The following EFL1 variants were observed in gnomAD, a reference collection of about 807,000 sequenced individuals.
The protein encoded by EFL1 is elongation factor like GTPase 1.
A neutral mutation model predicts 126.7 loss-of-function variants in EFL1; 76 were observed. The observed-to-expected ratio is 0.60, with a 90% CI of 0.50 to 0.73. The LOEUF is 0.73. EFL1 is among the 30% of genes least tolerant of loss of function. The pLI is 0.00. For synonymous variants in EFL1, 410 were observed against 448.4 expected (o/e 0.91, Z 1.08); for missense variants, 1,128 against 1,343.2 (o/e 0.84, Z 2.50).
chr15:82,204,353 T>C (rs972880413), intron 15 of EFL1, among the ~76,000 whole-genome samples: 5 of 151,560 alleles, frequency 3.3e-5, no homozygotes, highest in Non-Finnish European at 5.9e-5. Flanking sequence ...GCTATCTTCA[T>C]AGTCTTTAAA....
At chr15:82,238,049 A>G (rs3858953) in intron 7 of EFL1, among the ~76,000 whole-genome samples, 60,931 of 152,000 alleles carry the variant, frequency 0.4, 12,688 homozygotes, top group South Asian at 0.48. Flanking sequence ...GGCAACGTGA[A>G]GGAGCCTTGT....
intron 9 of EFL1, 142 bp from the exon 10 acceptor site, chr15:82,228,469 C>T (rs190132131): frequency 2.9e-5 from 32 of 1,107,706 alleles, no homozygotes; most frequent in Middle Eastern, 2.6e-4. Flanking sequence ...GGAATCCTGC[C>T]GCCACACAAG....
At chr15:82,156,667 T>TTGAG (rs1555425154) in intron 17 of EFL1, among the ~76,000 whole-genome samples, 1 of 151,798 alleles carries the variant, frequency 6.6e-6, no homozygotes, top group African/African-American at 2.4e-5. Flanking sequence ...GGTATAAAGA[T>TTGAG]TGAGATAAAT....
intron 15 of EFL1, among the ~76,000 whole-genome samples, chr15:82,188,367 GT>G (rs1273839357): frequency 1.3e-5 from 2 of 151,580 alleles, no homozygotes; most frequent in Non-Finnish European, 2.9e-5. Flanking sequence ...TTTCCTCTTA[GT>G]TTTTTTGTTA....
intron 6 of EFL1, among the ~76,000 whole-genome samples, chr15:82,239,433 G>A (rs757244468): frequency 2.0e-5 from 3 of 152,152 alleles, no homozygotes; most frequent in South Asian, 2.1e-4. Context: ...AGCTCGCCCG[G>A]CCTACCTCTT....
At position 82,151,471 on chromosome 15, in the gene EFL1, C is replaced by T; in HGVS notation, c.2983G>A (p.Val995Ile). The T allele has an allele frequency of 6.2e-7, 1 of 1,607,576 alleles. No homozygotes were observed. Among genetic ancestry groups the T allele is most frequent in the Non-Finnish European group, 8.5e-7 (1 of 1,177,430 alleles). Reference sequence around the variant, plus strand: ...TTTACCTTTTCTTCCTTACCGAGAACATCACCAGTGGCCATGATGTCACAT... The same window carrying T: ...TTTACCTTTTCTTCCTTACCGAGAATATCACCAGTGGCCATGATGTCACAT... ...YTCDIMATGD[V>I]LGRVYAVLSK... is the part of the protein sequence containing the mutation. Residue 995 changes from valine (V) to isoleucine (I), a missense_variant, in exon 18 of 20, where the codon GTT becomes ATT. Val to Ile is a conservative substitution (Grantham distance 29). Around this residue, in one of 6 missense-constraint regions of EFL1, gnomAD observed 561 missense variants for 641.7 expected, o/e 0.87. Coordinates refer to ENST00000268206, the MANE Select transcript of EFL1 (RefSeq NM_024580.6).
At chr15:82,217,373 G>GAAAAA in intron 14 of EFL1, among the ~76,000 whole-genome samples, 1 of 27,150 alleles carries the variant, frequency 3.7e-5, no homozygotes, top group Non-Finnish European at 6.9e-5. Flanking sequence ...GATTAGATTT[G>GAAAAA]AAAAAAAAAA....
At chr15:82,246,297 G>A (rs200923002) in intron 4 of EFL1, among the ~76,000 whole-genome samples, 1 of 152,026 alleles carries the variant, frequency 6.6e-6, no homozygotes. Flanking sequence ...TGGCAGTTTT[G>A]CTTGGAAGGG....
chr15:82,190,031 C>G (rs2074342122), intron 15 of EFL1, among the ~76,000 whole-genome samples: 1 of 151,414 alleles, frequency 6.6e-6, no homozygotes, highest in South Asian at 2.1e-4. Context: ...GTAGGAGAAC[C>G]ACTTGAACCC....
chr15:82,216,885 C>T (rs944433601), intron 14 of EFL1, among the ~76,000 whole-genome samples: 32 of 151,904 alleles, frequency 2.1e-4, no homozygotes, highest in African/African-American at 7.5e-4. Context: ...AAAGTAAAAA[C>T]AAGTTCTACA....
intron 15 of EFL1, among the ~76,000 whole-genome samples, chr15:82,169,416 T>TA (rs947368852): frequency 6.6e-6 from 1 of 152,070 alleles, no homozygotes; most frequent in Admixed American, 6.5e-5. Flanking sequence ...ACAGAGAAAT[T>TA]AGAGAGAACT....
chr15:82,179,110 A>G (rs1386145135), intron 15 of EFL1, among the ~76,000 whole-genome samples: 1 of 152,178 alleles, frequency 6.6e-6, no homozygotes, highest in African/African-American at 2.4e-5. Context: ...TGCCACCGCA[A>G]TCTAGCCAGG....
At chr15:82,234,080 C>T (rs1338699127) in intron 7 of EFL1, among the ~76,000 whole-genome samples, 1 of 152,182 alleles carries the variant, frequency 6.6e-6, no homozygotes, top group Non-Finnish European at 1.5e-5. Flanking sequence ...GTAAATTACC[C>T]TTATTCTATC....
intron 15 of EFL1, among the ~76,000 whole-genome samples, chr15:82,209,316 GACACACACACACACACACACAC>G (rs57128885): frequency 1.8e-4 from 26 of 146,342 alleles, no homozygotes; most frequent in Admixed American, 4.8e-4. Flanking sequence ...CACAGACACA[GACACACACACACACACACACAC>G]ACACACACAC....
At chr15:82,248,259 A>T (rs2074991106) in intron 4 of EFL1, among the ~76,000 whole-genome samples, 1 of 152,056 alleles carries the variant, frequency 6.6e-6, no homozygotes, top group African/African-American at 2.4e-5. Context: ...ACGAGAACAA[A>T]ATCTACCCTT....
At chr15:82,254,128 T>C (rs190293825) in intron 3 of EFL1, among the ~76,000 whole-genome samples, 20 of 152,358 alleles carry the variant, frequency 1.3e-4, no homozygotes, top group Admixed American at 2.6e-4. Flanking sequence ...AAGCTATCAA[T>C]GACCTCTGGC....
At chr15:82,189,732 AAC>A (rs201256115) in intron 15 of EFL1, among the ~76,000 whole-genome samples, 4 of 151,644 alleles carry the variant, frequency 2.6e-5, no homozygotes, top group African/African-American at 7.3e-5. Flanking sequence ...TCCCAGTATA[AAC>A]ACACACACAC....
In EFL1 at chr15:82,228,263, G is replaced by C; in HGVS notation, c.997C>G (p.Arg333Gly). Reference protein sequence around the residue: ...LGLKIGAREARHSDPKVQINA... With the variant: ...LGLKIGAREAGHSDPKVQINA... ...ATCTGAACTTTAGGGTCTGAATGTC[G>C]TGCCTCCCGGGCTCCAATTTTTAAT... is the stretch of plus-strand genomic sequence containing the variant. Residue 333 changes from arginine to glycine, a missense_variant, in exon 10 of 20, where the codon CGA (arginine) becomes GGA (glycine). Arg to Gly is a moderately radical substitution (Grantham distance 125). Transcript: ENST00000268206. 1 of 1,614,018 alleles carries C rather than the reference G, an allele frequency of 6.2e-7. No homozygotes were observed. Among genetic ancestry groups the C allele is most frequent in the East Asian group, 2.2e-5 (1 of 44,882 alleles).
chr15:82,161,504 G>A (rs2074023810), intron 16 of EFL1, among the ~76,000 whole-genome samples: 1 of 152,054 alleles, frequency 6.6e-6, no homozygotes, highest in Non-Finnish European at 1.5e-5. Context: ...AAAACAAAGA[G>A]TACAAAATTC....
Sources: gnomAD v4.1 joint callset for allele counts (sites outside exome capture counted in the v4.1 genomes callset) on GRCh38, gnomAD v4.1.1 for gene constraint, gnomAD v4.1.1 regional missense constraint, MANE v1.5 for transcripts, NCBI Gene and HGNC (gene_info 2026-07-23, HGNC 2026-07-21) for gene names.